Variants in SENP2 observed in about 807,000 individuals in gnomAD.
SENP2 encodes sentrin-specific protease 2.
Under a neutral mutation model 86.3 loss-of-function variants are expected in SENP2, and 16 were observed. That is an observed-to-expected ratio of 0.19 (90% CI 0.13 to 0.28). The LOEUF (loss-of-function observed/expected upper bound fraction) is 0.28. Among genes scored for constraint, SENP2 ranks in the 10% least tolerant of loss-of-function variants. SENP2 has a pLI of 1.00. For synonymous variants in SENP2, 222 were observed against 238.7 expected (o/e 0.93, Z 0.64); for missense variants, 552 against 703.0 (o/e 0.79, Z 2.43).
chr3:185,590,129 A>G lies in SENP2; in HGVS notation c.117A>G (p.Thr39=). The G allele has an allele frequency of 6.5e-7, 1 of 1,539,990 alleles. No homozygotes were observed. Among genetic ancestry groups the G allele is most frequent in the Non-Finnish European group, 8.8e-7 (1 of 1,140,866 alleles). The change falls in exon 2 of 17, where the codon ACA becomes ACG. Residue 39 remains threonine (T), a synonymous_variant. Coordinates refer to ENST00000296257, the MANE Select transcript of SENP2 (RefSeq NM_021627.3). ...TCTTTTTCAGCACTCTGTTTTCTAC[A>G]GTGGACACTGATGAAATACCAGCCA... ...RRRSDSTLFS[T]VDTDEIPAKR...
rs1370051947 is a variant in SENP2, at chr3:185,629,898, A to G, written c.*54A>G. 1.3e-6 allele frequency: 2 copies of G among 1,540,352 alleles called. No homozygotes were observed. Among genetic ancestry groups the G allele is most frequent in the Middle Eastern group, 1.7e-4 (1 of 5,912 alleles). ...TGGTGGTTCTTTCACAGACATTTCCATATACCTCATGCATTGTGGGTTAAA... is the reference window on the plus strand; with the variant it reads ...TGGTGGTTCTTTCACAGACATTTCCGTATACCTCATGCATTGTGGGTTAAA... On this transcript the variant is annotated 3_prime_UTR_variant, in exon 17 of 17. Coordinates refer to ENST00000296257, the MANE Select transcript of SENP2 (RefSeq NM_021627.3).
chr3:185,626,841 C>T (rs369299273), intron 16 of SENP2, among the ~76,000 whole-genome samples: 8 of 151,006 alleles, frequency 5.3e-5, no homozygotes, highest in East Asian at 1.9e-4. Context: ...TTTGGGAGGC[C>T]GAGGCAGGTG....
rs1290685510 is a variant in SENP2 at position 185,590,249 on chromosome 3, A to C, written c.157+80A>C. 8.2e-6 allele frequency: 6 copies of C among 735,778 alleles called. No homozygotes were observed. In the East Asian group the frequency reaches 2.0e-4, roughly 24 times the overall value. 45.6% of individuals were successfully genotyped at this position (735,778 alleles called of 1,614,324 possible). Reference sequence around the variant, plus strand: ...ATGGAACAAAATTCAAAAGGTAAAAAGTATCTGGTAAAAAGTAAGTCTTGG... The same window carrying C: ...ATGGAACAAAATTCAAAAGGTAAAACGTATCTGGTAAAAAGTAAGTCTTGG... On this transcript the variant is annotated intron_variant, in intron 2 of 16. Transcript: ENST00000296257.
chr3:185,619,624 CAG>C (rs1402986452), intron 13 of SENP2, 122 bp downstream of exon 13: 16 of 575,396 alleles, frequency 2.8e-5, no homozygotes, highest in East Asian at 2.6e-4. Flanking sequence ...GCATACTCTG[CAG>C]AGTCTCTTTT....
At chr3:185,614,869 A>G (rs1389356473) in intron 11 of SENP2, 129 bp downstream of exon 11, 5 of 813,400 alleles carry the variant, frequency 6.1e-6, no homozygotes, top group Non-Finnish European at 7.7e-6. Context: ...TGTCAGGTCC[A>G]TGGTCTGTTG....
chr3:185,621,420 C>G (rs1711884289), intron 13 of SENP2, among the ~76,000 whole-genome samples: 2 of 107,700 alleles, frequency 1.9e-5, no homozygotes, highest in Non-Finnish European at 3.4e-5. Context: ...GAGACAGAGT[C>G]TCGCTATCAC....
At chr3:185,606,837 A>G in intron 6 of SENP2, 1 of 505,678 alleles carries the variant, frequency 2.0e-6, no homozygotes, top group Non-Finnish European at 3.9e-6. Flanking sequence ...ATCGTTGTGA[A>G]AGTATTGAAG....
chr3:185,606,712 G>T, intron 6 of SENP2: 1 of 541,346 alleles, frequency 1.8e-6, no homozygotes. Context: ...TTCATGCTAT[G>T]AGACCTAAAG....
At chr3:185,600,509 A>G (rs1433586111) in intron 4 of SENP2, among the ~76,000 whole-genome samples, 1 of 152,226 alleles carries the variant, frequency 6.6e-6, no homozygotes, top group African/African-American at 2.4e-5. Context: ...TAACAGTCCC[A>G]TCAAGCAAAA....
chr3:185,611,683 C>T lies in SENP2; in HGVS notation c.755C>T (p.Thr252Ile), dbSNP rs1722704323. The T allele has an allele frequency of 2.5e-6, 4 of 1,613,508 alleles. No homozygotes were observed. The South Asian group carries it at 3.3e-5, about 13-fold the overall frequency. Residue 252 changes from threonine to isoleucine, a missense_variant, in exon 8 of 17, where the codon ACC becomes ATC. By Grantham distance (89) the Thr-to-Ile change is moderately conservative. Around this residue, in one of 2 missense-constraint regions of SENP2, gnomAD observed 383 missense variants for 427.3 expected, o/e 0.90. Coordinates refer to ENST00000296257, the MANE Select transcript of SENP2 (RefSeq NM_021627.3). ...AGAAGTCAGATGGACACATTAAAGA[C>T]CAAAGGCTGGGGGGAAGAGCAAAAT... Reference protein sequence around the residue: ...SQRSQMDTLKTKGWGEEQNHG... With the variant: ...SQRSQMDTLKIKGWGEEQNHG...
At position 185,586,306 on chromosome 3, in the gene SENP2, A is replaced by G; in HGVS notation, c.-108A>G. The stretch of plus-strand genomic sequence containing the variant: ...TCTTGAATCGCGTCACAAATCAGCG[A>G]CCGAACTCTGGCGGTGGTGGTTAAG... On this transcript the variant is annotated 5_prime_UTR_variant, in exon 1 of 17. Transcript: ENST00000296257. The surrounding 1 kb of genome is among the most constrained non-coding windows in gnomAD (Gnocchi z 4.3). The G allele has an allele frequency of 6.4e-7, 1 of 1,567,940 alleles. No homozygotes were observed. Among genetic ancestry groups the G allele is most frequent in the Non-Finnish European group, 8.6e-7 (1 of 1,160,456 alleles).
Position 185,598,498 on chromosome 3 carries a change from G to A in SENP2, c.244G>A (p.Val82Ile). ...ATTCCAGCTGACCACAAAGCCCATG[G>A]TAACTTCTGCTTGTAATGGAACACG... ...FPFQLTTKPM[V>I]TSACNGTRNV... The change falls in exon 3 of 17, where the codon GTA becomes ATA. Residue 82 changes from valine to isoleucine, a missense_variant. Physicochemically the swap from Val to Ile is conservative, Grantham distance 29. Coordinates refer to ENST00000296257, the MANE Select transcript of SENP2 (RefSeq NM_021627.3). 1 of 1,614,082 alleles carries A rather than the reference G, an allele frequency of 6.2e-7. No homozygotes were observed. Among genetic ancestry groups the A allele is most frequent in the Non-Finnish European group, 8.5e-7 (1 of 1,180,012 alleles).
intron 15 of SENP2, among the ~76,000 whole-genome samples, chr3:185,625,164 T>G (rs1577746348): frequency 6.6e-6 from 1 of 151,238 alleles, no homozygotes; most frequent in Non-Finnish European, 1.5e-5. Context: ...TAGGCTGGAG[T>G]GCAGTGGCGC....
At chr3:185,619,206 C>A (rs994385083) in intron 12 of SENP2, 93 bp from the exon 13 acceptor site, 3 of 929,116 alleles carry the variant, frequency 3.2e-6, no homozygotes, top group Admixed American at 2.1e-5. Flanking sequence ...TTCTTTAGTA[C>A]CTTACCTTCG....
At chr3:185,624,105 T>G (rs369274976) in intron 15 of SENP2, 23 bp downstream of exon 15, 3 of 1,542,230 alleles carry the variant, frequency 1.9e-6, no homozygotes, top group Non-Finnish European at 1.8e-6. Flanking sequence ...CATCTACATG[T>G]GACATACTTG....
At chr3:185,621,965 C>T in intron 14 of SENP2, 60 bp downstream of exon 14, 1 of 1,103,014 alleles carries the variant, frequency 9.1e-7, no homozygotes, top group Non-Finnish European at 1.4e-6. Flanking sequence ...TTTATCTCAT[C>T]CTAGGAAGCT....
chr3:185,616,847 T>G (rs1374018555), intron 11 of SENP2, among the ~76,000 whole-genome samples: 2 of 125,312 alleles, frequency 1.6e-5, no homozygotes, highest in African/African-American at 7.0e-5. Flanking sequence ...TCCAGGAAAT[T>G]AGATGCACCT....
chr3:185,632,050 A>G lies in SENP2; in HGVS notation c.*2206A>G, dbSNP rs1196032787. The G allele has an allele frequency of 6.6e-6, 1 of 151,768 alleles. No individual in the cohort carries two copies. Among genetic ancestry groups the G allele is most frequent in the Non-Finnish European group, 1.5e-5 (1 of 67,978 alleles). The allele number at this position is 151,768 out of a possible 1,614,324, so 9.4% of individuals were successfully genotyped here. ...AATTGAATGTGGGAGACCACAGGCC[A>G]TACTTCTCTAGGCACTCACATGTCT... On this transcript the variant is annotated 3_prime_UTR_variant, in exon 17 of 17. Coordinates refer to ENST00000296257, the MANE Select transcript of SENP2 (RefSeq NM_021627.3).
At chr3:185,591,500 C>A (rs968743811) in intron 2 of SENP2, among the ~76,000 whole-genome samples, 4 of 151,112 alleles carry the variant, frequency 2.6e-5, no homozygotes, top group Non-Finnish European at 4.4e-5. Context: ...TACAGGCGCC[C>A]GCCATCATGC....
Sources: gnomAD v4.1 joint callset for allele counts (sites outside exome capture counted in the v4.1 genomes callset) on GRCh38, gnomAD v4.1.1 for gene constraint, gnomAD v4.1.1 regional missense constraint, Gnocchi (gnomAD v3.1) non-coding constraint, MANE v1.5 for transcripts, NCBI Gene and HGNC (gene_info 2026-07-23, HGNC 2026-07-21) for gene names.